Variants in MCFD2 observed in about 807,000 individuals in gnomAD.
MCFD2 encodes multiple coagulation factor deficiency 2, ER cargo receptor complex subunit.
MCFD2 carries 11 observed loss-of-function variants against 12.8 expected under a neutral mutation model. That is an observed-to-expected ratio of 0.86 (90% confidence interval 0.54 to 1.42). The LOEUF is 1.42. Among genes scored for constraint, MCFD2 ranks in the 40% most tolerant of loss-of-function variants. MCFD2 has a pLI of 0.00. For synonymous variants in MCFD2, 70 were observed against 68.1 expected, an observed-to-expected ratio of 1.03 and a Z score of -0.14; for missense variants, 191 against 178.6, an observed-to-expected ratio of 1.07 and a Z score of -0.40.
chr2:46,935,202 G>A (rs1459927387), intron 1 of MCFD2, among the ~76,000 whole-genome samples: 1 of 152,096 alleles, frequency 6.6e-6, no homozygotes, highest in East Asian at 1.9e-4. Flanking sequence ...AAAGAGCTGT[G>A]AAGGGGTCAG....
chr2:46,938,077 T>C (rs889501184), intron 1 of MCFD2, among the ~76,000 whole-genome samples: 1 of 152,114 alleles, frequency 6.6e-6, no homozygotes, highest in Non-Finnish European at 1.5e-5. Context: ...AGGGGATTTA[T>C]TATGCAAACA....
At chr2:46,912,134 G>T (rs531536342) in intron 1 of MCFD2, among the ~76,000 whole-genome samples, 1 of 152,040 alleles carries the variant, frequency 6.6e-6, no homozygotes, top group Non-Finnish European at 1.5e-5. Flanking sequence ...TCAGGAGTTT[G>T]AGACCAGCCT....
At chr2:46,906,194 A>G (rs201560817) in intron 3 of MCFD2, among the ~76,000 whole-genome samples, 1 of 152,006 alleles carries the variant, frequency 6.6e-6, no homozygotes, top group African/African-American at 2.4e-5. Flanking sequence ...CTCTCCTGTC[A>G]CCACCACTAT....
chr2:46,908,483 C>A lies in MCFD2; in HGVS notation c.150-514G>T. The A allele has an allele frequency of 3.9e-6, 1 of 253,880 alleles. No individual in the cohort carries two copies. The highest frequency in any genetic ancestry group is 7.7e-6 in the Non-Finnish European group (1 of 130,092). 15.7% of individuals were successfully genotyped at this position (253,880 alleles called of 1,614,324 possible). ...TTCCCTATATTGCCTAGGCTGGTCT[C>A]GAATTCCTGGGCTCAAGTAATCCAC... is the stretch of plus-strand genomic sequence containing the variant. On this transcript the variant is annotated intron_variant, in intron 2 of 3. Transcript: ENST00000319466. This position sits in a 1 kb window ranked among gnomAD's most constrained non-coding sequence, Gnocchi z 4.5.
intron 3 of MCFD2, 64 bp from the exon 4 acceptor site, chr2:46,905,658 G>T: frequency 3.3e-6 from 4 of 1,201,444 alleles, no homozygotes; most frequent in Non-Finnish European, 4.8e-6. Flanking sequence ...CTTAACTAAC[G>T]TCCAAAATAT....
In MCFD2 at chr2:46,909,095, G is replaced by C. The variant is rs1248468378; in HGVS notation, c.77C>G (p.Ala26Gly). 14 of 1,614,130 alleles carry C rather than the reference G, an allele frequency of 8.7e-6. No individual in the cohort carries two copies. Among genetic ancestry groups the C allele is most frequent in the Middle Eastern group, 1.6e-4 (1 of 6,084 alleles). Residue 26 changes from alanine to glycine, a missense_variant, in exon 2 of 4, where the codon GCT becomes GGT. Physicochemically the swap from Ala to Gly is moderately conservative, Grantham distance 60. Transcript: ENST00000319466. Reference sequence around the variant, plus strand: ...GGAGAAGCTGGCTGCAGGCTCCTCAGCCCTGGCGCCTGGGGCACAAAAGGC... The same window carrying C: ...GGAGAAGCTGGCTGCAGGCTCCTCACCCCTGGCGCCTGGGGCACAAAAGGC... ...LWAFCAPGAR[A>G]EEPAASFSQP...
intron 1 of MCFD2, among the ~76,000 whole-genome samples, chr2:46,930,517 T>G (rs57432179): frequency 0.086 from 12,477 of 145,672 alleles, 470 homozygotes; most frequent in Middle Eastern, 0.12. Context: ...TTTTTTTTTT[T>G]AGACAAAGTC....
chr2:46,928,586 A>G (rs992605493), intron 1 of MCFD2, among the ~76,000 whole-genome samples: 2 of 152,182 alleles, frequency 1.3e-5, no homozygotes, highest in South Asian at 2.1e-4. Context: ...CCTAGGCAAC[A>G]TGGCAAAACC....
chr2:46,915,806 GCCCCGCCCC>G (rs1668733971), upstream of MCFD2: 1 of 512,576 alleles, frequency 2.0e-6, no homozygotes, highest in Non-Finnish European at 2.1e-6. Context: ...CCTCGGCTTC[GCCCCGCCCC>G]CCCCCCCCCC....
chr2:46,909,821 C>T (rs1032710414), intron 1 of MCFD2, among the ~76,000 whole-genome samples: 2 of 152,158 alleles, frequency 1.3e-5, no homozygotes, highest in Non-Finnish European at 2.9e-5. Context: ...GGGCTTTGCA[C>T]ACTAGGCCAG....
At chr2:46,939,916 A>T (rs890462001) in intron 1 of MCFD2, among the ~76,000 whole-genome samples, 5 of 152,118 alleles carry the variant, frequency 3.3e-5, no homozygotes, top group Admixed American at 3.3e-4. Flanking sequence ...GCTTCCCTTC[A>T]TCTACCTCCT....
chr2:46,903,704 G>A lies in MCFD2; in HGVS notation c.*1759C>T, dbSNP rs1228671056. 1.3e-5 allele frequency: 2 copies of A among 152,200 alleles called. No individual in the cohort carries two copies. Among genetic ancestry groups the A allele is most frequent in the African/African-American group, 2.4e-5 (1 of 41,436 alleles). 9.4% of individuals were successfully genotyped at this position (152,200 alleles called of 1,614,324 possible). A position where few individuals can be genotyped will look rare whatever the true frequency, so the allele number is the denominator to read the frequency against. On this transcript the variant is annotated 3_prime_UTR_variant, in exon 4 of 4. Transcript: ENST00000319466. ...TTTGAACTTGAGAGAGATGATTTAGGTTAACTAGCGGAAGAAATTTCTAAG... is the reference window on the plus strand; with the variant it reads ...TTTGAACTTGAGAGAGATGATTTAGATTAACTAGCGGAAGAAATTTCTAAG...
chr2:46,928,041 A>G (rs988194692), intron 1 of MCFD2, among the ~76,000 whole-genome samples: 2 of 150,960 alleles, frequency 1.3e-5, no homozygotes, highest in African/African-American at 4.9e-5. Flanking sequence ...ACTGGCATAC[A>G]CCACCACGCC....
chr2:46,923,231 C>G (rs755066633), intron 1 of MCFD2, among the ~76,000 whole-genome samples: 19 of 152,168 alleles, frequency 1.2e-4, no homozygotes, highest in Non-Finnish European at 1.8e-4. Flanking sequence ...CACAGTTGAC[C>G]AAACCATTAG....
At chr2:46,920,973 T>TA (rs34487440) in intron 1 of MCFD2, among the ~76,000 whole-genome samples, 13,051 of 138,908 alleles carry the variant, frequency 0.094, 956 homozygotes, top group African/African-American at 0.21. Context: ...CTATTCATGA[T>TA]AAAAAAAAAA....
At chr2:46,916,163 T>A (rs1316324345), upstream of MCFD2, 1 of 985,368 alleles carries the variant, frequency 1.0e-6, no homozygotes, top group Non-Finnish European at 1.2e-6. Context: ...CCCCCTCCTA[T>A]ACAGGGCTCT....
At chr2:46,915,885 T>G, upstream of MCFD2, 4 of 973,258 alleles carry the variant, frequency 4.1e-6, no homozygotes, top group Non-Finnish European at 4.8e-6. Flanking sequence ...GCCGGGCCCC[T>G]CCCGCTGGCG....
chr2:46,926,279 C>T (rs1186843525), intron 1 of MCFD2, among the ~76,000 whole-genome samples: 1 of 152,206 alleles, frequency 6.6e-6, no homozygotes, highest in Non-Finnish European at 1.5e-5. Context: ...GTTCCACACA[C>T]TGAGTATATG....
In MCFD2 at chr2:46,941,252, C is replaced by T; in HGVS notation, c.-8+320G>A. ...GCAGCAGCTGCAGCGGCGGCGGCGG[C>T]GGCAGCGCCAGGAGCTGCTACAGCA... On this transcript the variant is annotated intron_variant, in intron 1 of 2. Transcript: ENST00000409147. This position sits in a 1 kb window ranked among gnomAD's most constrained non-coding sequence, Gnocchi z 4.2. 6.6e-6 allele frequency: 1 copy of T among 152,174 alleles called. No homozygotes were observed. Among genetic ancestry groups the T allele is most frequent in the Non-Finnish European group, 1.4e-5 (1 of 70,160 alleles). 9.4% of individuals were successfully genotyped at this position (152,174 alleles called of 1,614,324 possible). A position where few individuals can be genotyped will look rare whatever the true frequency, so the allele number is the denominator to read the frequency against.
Sources: gnomAD v4.1 joint callset for allele counts (sites outside exome capture counted in the v4.1 genomes callset) on GRCh38, gnomAD v4.1.1 for gene constraint, Gnocchi (gnomAD v3.1) non-coding constraint, MANE v1.5 for transcripts, NCBI Gene and HGNC (gene_info 2026-07-23, HGNC 2026-07-21) for gene names.